LRR1: variants seen among roughly 807,000 people sequenced by gnomAD.
The protein encoded by LRR1 is leucine rich repeat protein 1, also known as leucine-rich repeat protein 1.
A neutral mutation model predicts 31.6 loss-of-function variants in LRR1; 29 were observed. The observed-to-expected ratio is 0.92, with a 90% CI of 0.68 to 1.25. The LOEUF (loss-of-function observed/expected upper bound fraction) is 1.25. Ranked by LOEUF, LRR1 falls within the 50% of genes most tolerant of loss-of-function variation. LRR1 has a pLI of 0.00. For synonymous variants in LRR1, 179 were observed against 181.4 expected (o/e 0.99, Z 0.10); for missense variants, 485 against 487.2 (o/e 1.00, Z 0.04).
chr14:49,605,181 C>T (rs1323987691), intron 2 of LRR1, among the ~76,000 whole-genome samples: 5 of 152,172 alleles, frequency 3.3e-5, no homozygotes, highest in Non-Finnish European at 7.3e-5. Context: ...AGGCATGGTC[C>T]ACCACATCTG....
intron 3 of LRR1, among the ~76,000 whole-genome samples, chr14:49,611,985 A>G (rs1166818799): frequency 6.6e-6 from 1 of 152,168 alleles, no homozygotes; most frequent in Admixed American, 6.5e-5. Flanking sequence ...TTTGAAAATT[A>G]TGTCCAAATG....
chr14:49,607,272 T>G, intron 2 of LRR1, 128 bp from the exon 3 acceptor site: 1 of 1,088,416 alleles, frequency 9.2e-7, no homozygotes, highest in East Asian at 2.6e-5. Context: ...AAAAAAGTTT[T>G]ACAGTCAATT....
At chr14:49,611,424 G>A (rs1219025715) in intron 3 of LRR1, among the ~76,000 whole-genome samples, 3 of 152,044 alleles carry the variant, frequency 2.0e-5, no homozygotes, top group African/African-American at 7.2e-5. Flanking sequence ...GCAGTGAGCC[G>A]AGATGGCACC....
intron 2 of LRR1, among the ~76,000 whole-genome samples, chr14:49,603,354 G>A (rs941879947): frequency 6.6e-6 from 1 of 152,056 alleles, no homozygotes; most frequent in Non-Finnish European, 1.5e-5. Context: ...TGCTCAAGAT[G>A]GAGCCCTAGG....
intron 3 of LRR1, among the ~76,000 whole-genome samples, chr14:49,610,624 G>A (rs889896808): frequency 4.0e-5 from 6 of 150,372 alleles, no homozygotes; most frequent in African/African-American, 9.8e-5. Flanking sequence ...GTGGAATGGC[G>A]TGATCTCAGC....
At position 49,614,500 on chromosome 14, in the gene LRR1, G is replaced by A. The variant is rs1460537390; in HGVS notation, c.*4G>A. The A allele has an allele frequency of 1.2e-6, 2 of 1,613,296 alleles. No homozygotes were observed. Among genetic ancestry groups the A allele is most frequent in the East Asian group, 2.2e-5 (1 of 44,824 alleles). On this transcript the variant is annotated 3_prime_UTR_variant, in exon 4 of 4. Coordinates refer to ENST00000298288, the MANE Select transcript of LRR1 (RefSeq NM_152329.4). ...TTCCTCTGATATGTTAAAGTAATGGGTGAGACCAGAAAAAGAAATTTCAAT... is the reference window on the plus strand; with the variant it reads ...TTCCTCTGATATGTTAAAGTAATGGATGAGACCAGAAAAAGAAATTTCAAT...
At chr14:49,602,548 C>T (rs561154653) in intron 2 of LRR1, 80 bp downstream of exon 2, 16 of 1,221,180 alleles carry the variant, frequency 1.3e-5, no homozygotes, top group Non-Finnish European at 1.8e-5. Flanking sequence ...GTTCTGTCAC[C>T]CAAGCTGAAG....
In LRR1 at chr14:49,607,465, T is replaced by C. The variant is rs770042964; in HGVS notation, c.348T>C (p.Val116=). Residue 116 remains valine, a synonymous_variant, in exon 3 of 4, where the codon GTT becomes GTC. Coordinates refer to ENST00000298288, the MANE Select transcript of LRR1 (RefSeq NM_152329.4). ...AMRLAHRGCN[V]DTPVSTLTPV... ...GACTGGCTCATAGAGGCTGTAATGT[T>C]GATACACCAGTTTCAACGCTCACAC... 1.4e-5 allele frequency: 22 copies of C among 1,613,174 alleles called. No homozygotes were observed. Among genetic ancestry groups the C allele is most frequent in the Non-Finnish European group, 1.7e-5 (20 of 1,179,754 alleles).
chr14:49,600,303 G>A, intron 1 of LRR1: 12 of 1,498,480 alleles, frequency 8.0e-6, no homozygotes, highest in Non-Finnish European at 1.0e-5. Flanking sequence ...GGAGGAGTGG[G>A]TACCGGAACT....
rs868867975 is a variant in LRR1 at position 49,607,790 on chromosome 14, C to G, written c.673C>G (p.Gln225Glu). Residue 225 changes from glutamine (Q) to glutamate (E), a missense_variant, in exon 3 of 4, where the codon CAG becomes GAG. By Grantham distance (29) the Gln-to-Glu change is conservative. Coordinates refer to ENST00000298288, the MANE Select transcript of LRR1 (RefSeq NM_152329.4). ...TGTAGCCTTGTGTCATTCTACACTC[C>G]AGAAGTCACTTCGGAGTTTGGACCT... The part of the protein sequence containing the change: ...FSVALCHSTL[Q>E]KSLRSLDLSK... 1 of 1,614,138 alleles carries G rather than the reference C, an allele frequency of 6.2e-7. No homozygotes were observed. The highest frequency in any genetic ancestry group is 1.7e-5 in the Admixed American group (1 of 60,010).
intron 3 of LRR1, among the ~76,000 whole-genome samples, chr14:49,608,406 A>ATTTTTTTTTTTTTTTTTTTTTTTTT (rs71408651): frequency 9.5e-5 from 2 of 21,098 alleles, no homozygotes; most frequent in Non-Finnish European, 1.6e-4. Context: ...ACATTGCTTG[A>ATTTTTTTTTTTTTTTTTTTTTTTTT]TTTTTTTTTT....
intron 3 of LRR1, among the ~76,000 whole-genome samples, chr14:49,611,469 C>G (rs1340650641): frequency 6.6e-6 from 1 of 151,988 alleles, no homozygotes; most frequent in African/African-American, 2.4e-5. Context: ...GATTGAGACT[C>G]CGTCTCAATC....
At chr14:49,599,969 C>G in intron 1 of LRR1, 1 of 1,569,124 alleles carries the variant, frequency 6.4e-7, no homozygotes. Flanking sequence ...GGGACCATGC[C>G]CGGAGGCCGG....
At position 49,614,390 on chromosome 14, in the gene LRR1, C is replaced by T. The variant is rs1166522221; in HGVS notation, c.1139C>T (p.Ala380Val). The T allele has an allele frequency of 2.1e-5, 34 of 1,613,906 alleles. No individual in the cohort carries two copies. Among genetic ancestry groups the T allele is most frequent in the Non-Finnish European group, 2.8e-5 (33 of 1,179,974 alleles). ...GTTTMNLHSV[A>V]HTVVLVDNLG... ...ACTACCATGAATCTGCATTCTGTTG[C>T]CCACACTGTGGTCTTAGTAGATAAT... The change falls in exon 4 of 4, where the codon GCC becomes GTC. Residue 380 changes from alanine to valine, a missense_variant. Physicochemically the swap from Ala to Val is moderately conservative, Grantham distance 64. Transcript: ENST00000298288.
chr14:49,603,709 A>G (rs7144985), intron 2 of LRR1: 1 of 98,366 alleles, frequency 1.0e-5, no homozygotes, highest in Non-Finnish European at 1.2e-5. Flanking sequence ...TTTTTTTTTT[A>G]ATGAGACAGA....
In LRR1 at chr14:49,599,150, CG is replaced by C; in HGVS notation, c.131del (p.Arg44GlnfsTer9). The C allele has an allele frequency of 6.2e-7, 1 of 1,608,976 alleles. No individual in the cohort carries two copies. Among genetic ancestry groups the C allele is most frequent in the Non-Finnish European group, 8.5e-7 (1 of 1,177,992 alleles). ...GACTTCCAGGAGTCAGCCGCCGGTC[CG>C]AGCCTTCCTGCTCATCTCCACCCTG... ...QQTSRSQPPVRAFLLISTLKD... is the reference protein window; with the variant it reads ...QQTSRSQPPVXAFLLISTLKD... On this transcript the variant is annotated frameshift_variant, in exon 1 of 4. Coordinates refer to ENST00000298288, the MANE Select transcript of LRR1 (RefSeq NM_152329.4). LOFTEE classifies it high-confidence loss of function.
intron 3 of LRR1, among the ~76,000 whole-genome samples, chr14:49,608,406 ATTTTTTTTTTTTTTTTTTTTTTT>A (rs71408651): frequency 2.2e-3 from 47 of 21,098 alleles, no homozygotes; most frequent in South Asian, 0.017. Flanking sequence ...ACATTGCTTG[ATTTTTTTTTTTTTTTTTTTTTTT>A]TTTTTTTTTT....
At chr14:49,606,810 C>T (rs1882302866) in intron 2 of LRR1, among the ~76,000 whole-genome samples, 1 of 151,678 alleles carries the variant, frequency 6.6e-6, no homozygotes, top group Non-Finnish European at 1.5e-5. Flanking sequence ...GCATGCACTA[C>T]CACGCCCAGC....
At position 49,608,153 on chromosome 14, in the gene LRR1, C is replaced by T. The variant is rs376358288; in HGVS notation, c.1004+32C>T. ...TTTTAATAGTCATGTAATGTGGTGT[C>T]TTTGATAGCATTCTAATATTCCTAT... On this transcript the variant is annotated intron_variant, in intron 3 of 3. Transcript: ENST00000298288. 5.3e-6 allele frequency: 8 copies of T among 1,508,202 alleles called. No individual in the cohort carries two copies. The African/African-American group carries it at 9.8e-5, about 18-fold the overall frequency. The allele number at this position is 1,508,202 out of a possible 1,614,324, so 93.4% of individuals were successfully genotyped here.
Sources: allele counts gnomAD v4.1 joint callset (sites outside exome capture counted in the v4.1 genomes callset), GRCh38; gene constraint gnomAD v4.1.1; transcripts MANE v1.5; gene names NCBI Gene and HGNC (gene_info 2026-07-23, HGNC 2026-07-21).